IL12RB2: variants seen among roughly 807,000 people sequenced by gnomAD.
IL12RB2 encodes the protein interleukin 12 receptor subunit beta 2.
In IL12RB2, 82 loss-of-function variants were observed where a neutral mutation model predicts 89.4. That is an observed-to-expected ratio of 0.92 (90% CI 0.77 to 1.10). The LOEUF (loss-of-function observed/expected upper bound fraction) is 1.10, where lower values mean the gene tolerates loss of function less well. Among genes scored for constraint, IL12RB2 ranks in the 50% least tolerant of loss-of-function variants. The probability of loss-of-function intolerance (pLI) is 0.00; values close to 1 mark genes in which losing one functional copy is unlikely to be tolerated. For synonymous variants in IL12RB2, 368 were observed against 370.1 expected (o/e 0.99, Z 0.07); for missense variants, 963 against 1,031.9 (o/e 0.93, Z 0.92).
chr1:67,333,388 GC>G (rs1398405665), intron 8 of IL12RB2, among the ~76,000 whole-genome samples: 2 of 142,134 alleles, frequency 1.4e-5, no homozygotes, highest in Non-Finnish European at 3.0e-5. Flanking sequence ...TTAATAGTAA[GC>G]TTTTTTTTTT....
chr1:67,325,571 T>A (rs550722331), intron 4 of IL12RB2, among the ~76,000 whole-genome samples: 1 of 152,340 alleles, frequency 6.6e-6, no homozygotes, highest in South Asian at 2.1e-4. Flanking sequence ...GAAAAGAGAC[T>A]TTTTTAAAGG....
At chr1:67,363,960 T>C (rs548311496) in intron 10 of IL12RB2, among the ~76,000 whole-genome samples, 1 of 152,300 alleles carries the variant, frequency 6.6e-6, no homozygotes, top group Non-Finnish European at 1.5e-5. Flanking sequence ...TAGTAACACA[T>C]GTAGTACATA....
intron 16 of IL12RB2, among the ~76,000 whole-genome samples, chr1:67,394,452 G>A (rs567918746): frequency 2.6e-5 from 4 of 152,054 alleles, no homozygotes; most frequent in Admixed American, 6.5e-5. Flanking sequence ...GCTGGTCACC[G>A]GCAGAATGCT....
chr1:67,362,186 G>A (rs1662131675), intron 10 of IL12RB2, among the ~76,000 whole-genome samples: 1 of 152,018 alleles, frequency 6.6e-6, no homozygotes, highest in Admixed American at 6.6e-5. Context: ...CAGGAGAACT[G>A]CTCAAACCTG....
At chr1:67,377,449 T>A (rs146571468) in intron 13 of IL12RB2, among the ~76,000 whole-genome samples, 1 of 152,230 alleles carries the variant, frequency 6.6e-6, no homozygotes, top group Non-Finnish European at 1.5e-5. Context: ...AAACTCACTA[T>A]GCCAAAAGAA....
At chr1:67,330,982 C>T (rs1658007256) in intron 8 of IL12RB2, among the ~76,000 whole-genome samples, 172 bp downstream of exon 8, 1 of 152,076 alleles carries the variant, frequency 6.6e-6, no homozygotes, top group African/African-American at 2.4e-5. Flanking sequence ...TGAAACTGTT[C>T]AAGGAAATAT....
intron 14 of IL12RB2, among the ~76,000 whole-genome samples, chr1:67,381,765 CAAAAAAAA>C (rs61066016): frequency 1.8e-4 from 22 of 123,668 alleles, no homozygotes; most frequent in African/African-American, 2.5e-4. Flanking sequence ...GACTATGTTT[CAAAAAAAA>C]AAAAAAAAAA....
intron 11 of IL12RB2, among the ~76,000 whole-genome samples, chr1:67,370,415 G>A (rs1244800439): frequency 6.6e-6 from 1 of 152,150 alleles, no homozygotes; most frequent in East Asian, 1.9e-4. Context: ...TAACATCATG[G>A]TGTCTAGAAA....
Position 67,321,864 on chromosome 1 carries a change from A to AT in IL12RB2, c.340dup (p.Cys114LeufsTer43). 6.2e-7 allele frequency: 1 copy of AT among 1,613,952 alleles called. No individual in the cohort carries two copies. The highest frequency in any genetic ancestry group is 1.3e-5 in the African/African-American group (1 of 75,040). ...GTATCAATAGTGATGAAATTCAAAT[A>AT]TGTGGAGCAGAGATCTTCGTTGGTG... On this transcript the variant is annotated frameshift_variant, in exon 4 of 17. Coordinates refer to ENST00000674203, the MANE Select transcript of IL12RB2 (RefSeq NM_001374259.2). LOFTEE classifies it high-confidence loss of function.
chr1:67,367,951 A>C lies in IL12RB2; in HGVS notation c.1385A>C (p.His462Pro). 1 of 1,610,222 alleles carries C rather than the reference A, an allele frequency of 6.2e-7. No homozygotes were observed. The change falls in exon 11 of 17, where the codon CAT becomes CCT. Residue 462 changes from histidine (H) to proline (P), a missense_variant. His to Pro is a moderately conservative substitution (Grantham distance 77). Coordinates refer to ENST00000674203, the MANE Select transcript of IL12RB2 (RefSeq NM_001374259.2). ...TACGTGGTGGAATGGAGAGAGCTCC[A>C]TCCAGGGGGTGACACACAGGTCCCT... ...QEYVVEWREL[H>P]PGGDTQVPLN...
chr1:67,379,428 T>G (rs1267210738), intron 13 of IL12RB2, among the ~76,000 whole-genome samples: 2 of 143,692 alleles, frequency 1.4e-5, no homozygotes, highest in Non-Finnish European at 3.0e-5. Flanking sequence ...GAGAATTGCT[T>G]GAACCCAGGA....
chr1:67,389,757 T>C lies in IL12RB2; in HGVS notation c.1947-272T>C, dbSNP rs569355278. Reference sequence around the variant, plus strand: ...ATATTAGGGGTTCAATCAATATTTGTTGAATGAATGCATAGCTGGCTAGTG... The same window carrying C: ...ATATTAGGGGTTCAATCAATATTTGCTGAATGAATGCATAGCTGGCTAGTG... On this transcript the variant is annotated intron_variant, in intron 15 of 16. Coordinates refer to ENST00000674203, the MANE Select transcript of IL12RB2 (RefSeq NM_001374259.2). 2.6e-5 allele frequency among the ~76,000 whole-genome samples: 4 copies of C among 152,330 alleles called. No homozygotes were observed. The South Asian group carries it at 6.2e-4, about 24-fold the overall frequency.
chr1:67,354,229 G>A (rs1661141818), intron 10 of IL12RB2, among the ~76,000 whole-genome samples: 1 of 152,176 alleles, frequency 6.6e-6, no homozygotes, highest in Non-Finnish European at 1.5e-5. Flanking sequence ...AGTATAGAGA[G>A]ACAAAGTGGT....
At chr1:67,363,224 T>A (rs1453177690) in intron 10 of IL12RB2, among the ~76,000 whole-genome samples, 1 of 138,540 alleles carries the variant, frequency 7.2e-6, no homozygotes, top group African/African-American at 2.7e-5. Flanking sequence ...TTTTTTTTTT[T>A]TTTTTTTTTG....
Position 67,363,511 on chromosome 1 carries a change from C to T in IL12RB2, c.1259-4314C>T, listed in dbSNP as rs111799393. Among the ~76,000 whole-genome samples the T allele has an allele frequency of 6.2e-3, 943 of 150,986 alleles. 10 individuals carry two copies. Among genetic ancestry groups the T allele is most frequent in the African/African-American group, 0.022 (885 of 41,130 alleles). On this transcript the variant is annotated intron_variant, in intron 10 of 16. Transcript: ENST00000674203. ...GATTACAGGCATGAGCCACTGTGCC[C>T]GGCCAATTATTCTTATTCTTAATTG... is the stretch of plus-strand genomic sequence containing the variant.
At chr1:67,311,624 C>T (rs1332736438) in intron 1 of IL12RB2, among the ~76,000 whole-genome samples, 1 of 152,128 alleles carries the variant, frequency 6.6e-6, no homozygotes, top group African/African-American at 2.4e-5. Flanking sequence ...TCTTAATTAA[C>T]CTCTATTTTG....
intron 10 of IL12RB2, among the ~76,000 whole-genome samples, chr1:67,367,282 C>T (rs1301503553): frequency 6.6e-6 from 1 of 151,768 alleles, no homozygotes; most frequent in Non-Finnish European, 1.5e-5. Context: ...GTGGTCTCAG[C>T]TACTCAGGAG....
chr1:67,379,336 C>T (rs186750647), intron 13 of IL12RB2, among the ~76,000 whole-genome samples: 7 of 150,734 alleles, frequency 4.6e-5, no homozygotes, highest in African/African-American at 1.7e-4. Flanking sequence ...ATGGTGAAAC[C>T]CCATCACTAC....
chr1:67,333,354 A>G, intron 8 of IL12RB2, among the ~76,000 whole-genome samples: 1 of 148,748 alleles, frequency 6.7e-6, no homozygotes, highest in Admixed American at 6.7e-5. Context: ...GTGTACTCAT[A>G]TGTAACTTGG....
Sources: allele counts gnomAD v4.1 joint callset (sites outside exome capture counted in the v4.1 genomes callset), GRCh38; gene constraint gnomAD v4.1.1; transcripts MANE v1.5; gene names NCBI Gene and HGNC (gene_info 2026-07-23, HGNC 2026-07-21).